DIAPH2: variants seen among roughly 807,000 people sequenced by gnomAD.
The protein encoded by DIAPH2 is diaphanous related formin 2.
Under a neutral mutation model 92.7 loss-of-function variants are expected in DIAPH2, and 35 were observed. That is an observed-to-expected ratio of 0.38 (90% CI 0.29 to 0.50). The LOEUF (loss-of-function observed/expected upper bound fraction) is 0.50. Ranked by LOEUF, DIAPH2 falls within the 20% of genes least tolerant of loss-of-function variation. DIAPH2 has a pLI of 0.94. For missense variants in DIAPH2, 701 were observed against 819.5 expected, an observed-to-expected ratio of 0.86 and a Z score of 1.77; for synonymous variants, 301 against 280.4, an observed-to-expected ratio of 1.07 and a Z score of -0.73.
At chrX:97,028,080 T>C (rs1360606341) in intron 17 of DIAPH2, among the ~76,000 whole-genome samples, 4 of 112,304 alleles carry the variant, frequency 3.6e-5, no homozygotes, top group African/African-American at 1.3e-4. Context: ...GAAAATTAAT[T>C]GCATTATAGA....
intron 4 of DIAPH2, among the ~76,000 whole-genome samples, chrX:96,801,041 A>G (rs1441280343): frequency 1.8e-5 from 2 of 112,319 alleles, no homozygotes; most frequent in East Asian, 5.6e-4. Context: ...TTTGAACATC[A>G]CAGCTTTAAA....
intron 4 of DIAPH2, among the ~76,000 whole-genome samples, chrX:96,838,289 C>G (rs2064912335): frequency 1.8e-5 from 2 of 111,516 alleles, no homozygotes; most frequent in South Asian, 7.5e-4. Context: ...CAGGGATATT[C>G]AGCAATGTTT....
chrX:97,091,210 T>C (rs1255817509), intron 19 of DIAPH2, among the ~76,000 whole-genome samples: 1 of 111,342 alleles, frequency 9.0e-6, no homozygotes, highest in East Asian at 2.8e-4. Flanking sequence ...CCTTTCTTCT[T>C]ATATGACAAA....
At chrX:96,989,206 A>T (rs1366006031) in intron 17 of DIAPH2, among the ~76,000 whole-genome samples, 1 of 111,952 alleles carries the variant, frequency 8.9e-6, no homozygotes, top group African/African-American at 3.2e-5. Flanking sequence ...AACTGCCAAA[A>T]TGGATCATAC....
At chrX:97,255,130 C>T (rs756249170) in intron 23 of DIAPH2, among the ~76,000 whole-genome samples, 12 of 111,648 alleles carry the variant, frequency 1.1e-4, no homozygotes, top group Non-Finnish European at 2.1e-4. Context: ...GACATTAAAC[C>T]TTGTGCTTCT....
chrX:96,792,601 A>G (rs1385919468), intron 4 of DIAPH2, among the ~76,000 whole-genome samples: 1 of 112,173 alleles, frequency 8.9e-6, no homozygotes, highest in Non-Finnish European at 1.9e-5. Context: ...TTTTTTGCCA[A>G]CTGATTTACA....
Position 97,498,684 on chromosome X carries a change from A to G in DIAPH2, c.3241+68939A>G, listed in dbSNP as rs187571631. 2.6e-3 allele frequency among the ~76,000 whole-genome samples: 294 copies of G among 111,775 alleles called. 1 individual carries two copies. The highest frequency in any genetic ancestry group is 0.023 in the Middle Eastern group (5 of 217). ...TTTACTATATATCATTGAATCAAAGATAGTATCAATCATAAGATATTACAT... is the reference window on the plus strand; with the variant it reads ...TTTACTATATATCATTGAATCAAAGGTAGTATCAATCATAAGATATTACAT... On this transcript the variant is annotated intron_variant, in intron 26 of 26. Coordinates refer to ENST00000324765, the MANE Select transcript of DIAPH2 (RefSeq NM_006729.5).
chrX:97,306,067 G>A (rs759932510), intron 23 of DIAPH2, among the ~76,000 whole-genome samples: 3 of 108,034 alleles, frequency 2.8e-5, no homozygotes, highest in Admixed American at 1.0e-4. Flanking sequence ...AAAACCTTCC[G>A]TACATCTGGT....
At chrX:97,274,879 C>T (rs2068425650) in intron 23 of DIAPH2, among the ~76,000 whole-genome samples, 2 of 110,990 alleles carry the variant, frequency 1.8e-5, no homozygotes, top group Middle Eastern at 4.7e-3. Flanking sequence ...ATCTGTTTAA[C>T]AAAGCCCATC....
chrX:97,544,756 T>C (rs1210485909), intron 26 of DIAPH2, among the ~76,000 whole-genome samples: 1 of 112,348 alleles, frequency 8.9e-6, no homozygotes, highest in African/African-American at 3.2e-5. Flanking sequence ...ACTCTATAAG[T>C]TGTCTGAATC....
intron 23 of DIAPH2, among the ~76,000 whole-genome samples, chrX:97,272,611 TTAAC>T (rs2068398798): frequency 9.0e-6 from 1 of 111,599 alleles, no homozygotes; most frequent in Non-Finnish European, 1.9e-5. Context: ...CTTTAATTAA[TTAAC>T]ATTTCATTAA....
intron 26 of DIAPH2, among the ~76,000 whole-genome samples, chrX:97,498,348 T>C (rs1344267735): frequency 8.9e-6 from 1 of 111,825 alleles, no homozygotes; most frequent in African/African-American, 3.3e-5. Flanking sequence ...AACATACATA[T>C]CCGTTTCTGC....
intron 26 of DIAPH2, among the ~76,000 whole-genome samples, chrX:97,436,323 A>G (rs2070186330): frequency 9.0e-6 from 1 of 111,578 alleles, no homozygotes; most frequent in African/African-American, 3.3e-5. Context: ...TAGACATTAA[A>G]AAAACACACA....
chrX:97,384,588 C>T (rs1045043969), intron 25 of DIAPH2, among the ~76,000 whole-genome samples: 4 of 111,679 alleles, frequency 3.6e-5, no homozygotes, highest in Admixed American at 9.6e-5. Flanking sequence ...TGTTTGAGGC[C>T]GGGCACAGTG....
Position 96,731,114 on chromosome X carries a change from G to C in DIAPH2, c.133-4644G>C, listed in dbSNP as rs2064052123. Among the ~76,000 whole-genome samples, 5 of 111,126 alleles carry C rather than the reference G, an allele frequency of 4.5e-5. No individual in the cohort carries two copies. The South Asian group carries it at 1.9e-3, about 43-fold the overall frequency. ...CTTCTTTTGTGGTGGAATGTCATCA[G>C]TTAAGGCAGGAACAGGCCATTTTCA... On this transcript the variant is annotated intron_variant, in intron 1 of 26. Coordinates refer to ENST00000324765, the MANE Select transcript of DIAPH2 (RefSeq NM_006729.5).
At chrX:96,685,580 C>T (rs1326561499) in intron 1 of DIAPH2, among the ~76,000 whole-genome samples, 2 of 112,428 alleles carry the variant, frequency 1.8e-5, no homozygotes, top group African/African-American at 6.5e-5. Context: ...GCGTAGGGTC[C>T]GGGGCAGGGG....
intron 26 of DIAPH2, among the ~76,000 whole-genome samples, chrX:97,523,307 A>G (rs1340470858): frequency 1.8e-5 from 2 of 111,675 alleles, no homozygotes; most frequent in Non-Finnish European, 1.9e-5. Context: ...CCTAACTCCT[A>G]TCTAGAGTAC....
chrX:96,726,033 T>C (rs1432543146), intron 1 of DIAPH2, among the ~76,000 whole-genome samples: 1 of 112,245 alleles, frequency 8.9e-6, no homozygotes, highest in Non-Finnish European at 1.9e-5. Context: ...ATTATAAAGA[T>C]AGTAATCATA....
At chrX:97,136,877 C>G (rs144607142) in intron 21 of DIAPH2, among the ~76,000 whole-genome samples, 1 of 110,403 alleles carries the variant, frequency 9.1e-6, no homozygotes, top group Admixed American at 9.7e-5. Context: ...TCTACACATA[C>G]CCTAGTTATC....
Sources: gnomAD v4.1 joint callset for allele counts (sites outside exome capture counted in the v4.1 genomes callset) on GRCh38, gnomAD v4.1.1 for gene constraint, MANE v1.5 for transcripts, NCBI Gene and HGNC (gene_info 2026-07-23, HGNC 2026-07-21) for gene names.